The following DGKG variants were observed in gnomAD, a reference collection of about 807,000 sequenced individuals.
The protein encoded by DGKG is DAG kinase gamma.
DGKG carries 78 observed loss-of-function variants against 105.3 expected under a neutral mutation model. The ratio of observed to expected loss-of-function variants is 0.74; its 90% CI spans 0.62 to 0.89. The LOEUF (loss-of-function observed/expected upper bound fraction) is 0.89. DGKG is among the 40% of genes least tolerant of loss of function. The pLI is 0.00. For synonymous variants in DGKG, 346 were observed against 367.1 expected (o/e 0.94, Z 0.66); for missense variants, 958 against 1,020.1 (o/e 0.94, Z 0.83).
intron 9 of DGKG, among the ~76,000 whole-genome samples, chr3:186,275,984 CTATCT>C (rs1722568263): frequency 6.8e-6 from 1 of 147,736 alleles, no homozygotes; most frequent in South Asian, 2.1e-4. Context: ...ATCTATCTAT[CTATCT>C]ATCTATTATC....
At chr3:186,312,195 T>C (rs1724589589) in intron 2 of DGKG, among the ~76,000 whole-genome samples, 1 of 141,990 alleles carries the variant, frequency 7.0e-6, no homozygotes, top group African/African-American at 2.6e-5. Context: ...CATTAAACTG[T>C]TAAACTCCGA....
intron 17 of DGKG, 150 bp from the exon 18 acceptor site, chr3:186,253,332 G>T: frequency 1.5e-6 from 1 of 660,300 alleles, no homozygotes. Context: ...ACTTCCTAAA[G>T]CCATCTATCC....
intron 3 of DGKG, among the ~76,000 whole-genome samples, chr3:186,305,002 T>C (rs1352337756): frequency 6.6e-6 from 1 of 152,226 alleles, no homozygotes; most frequent in Non-Finnish European, 1.5e-5. Context: ...AGTCATTGAA[T>C]TTGAAAGTAG....
chr3:186,358,861 A>T (rs1027610812), intron 1 of DGKG, among the ~76,000 whole-genome samples: 1 of 152,236 alleles, frequency 6.6e-6, no homozygotes, highest in African/African-American at 2.4e-5. Flanking sequence ...GAATGTTGTT[A>T]TAATGACTTG....
chr3:186,213,662 G>A (rs1331823676), intron 20 of DGKG, among the ~76,000 whole-genome samples: 1 of 152,096 alleles, frequency 6.6e-6, no homozygotes, highest in African/African-American at 2.4e-5. Flanking sequence ...GAATTACCTG[G>A]GGAATGTGAT....
At chr3:186,305,664 A>T (rs893023278) in intron 3 of DGKG, among the ~76,000 whole-genome samples, 2 of 152,198 alleles carry the variant, frequency 1.3e-5, no homozygotes. Flanking sequence ...CTCTTGCAAT[A>T]ATCTGGGCAA....
At position 186,282,351 on chromosome 3, in the gene DGKG, C is replaced by T. The variant is rs947004875; in HGVS notation, c.595-1607G>A. Among the ~76,000 whole-genome samples the T allele has an allele frequency of 2.6e-4, 40 of 152,242 alleles. 2 individuals carry two copies. The highest frequency in any genetic ancestry group is 1.2e-4 in the Non-Finnish European group (8 of 68,048). On this transcript the variant is annotated intron_variant, in intron 7 of 24. Transcript: ENST00000265022. ...TGTCTTAAGGTAGGAGTCCATATGACAGGGATTCCGGTGAAAGGTTGAATC... is the reference window on the plus strand; with the variant it reads ...TGTCTTAAGGTAGGAGTCCATATGATAGGGATTCCGGTGAAAGGTTGAATC...
chr3:186,226,514 AG>A lies in DGKG; in HGVS notation c.1827-14630del, dbSNP rs1368189152. Among the ~76,000 whole-genome samples, 1 of 152,186 alleles carries A rather than the reference AG, an allele frequency of 6.6e-6. No individual in the cohort carries two copies. Among genetic ancestry groups the A allele is most frequent in the Non-Finnish European group, 1.5e-5 (1 of 68,028 alleles). On this transcript the variant is annotated intron_variant, in intron 20 of 24. Coordinates refer to ENST00000265022, the MANE Select transcript of DGKG (RefSeq NM_001346.3). The surrounding 1 kb of genome is among the most constrained non-coding windows in gnomAD (Gnocchi z 4.2). ...GGGGCAAGGTGGTACAGAAGAGGAA[AG>A]GGGGAACCTGACTAATTACAACACT...
intron 6 of DGKG, among the ~76,000 whole-genome samples, chr3:186,287,195 T>C (rs574053021): frequency 4.6e-5 from 7 of 152,220 alleles, no homozygotes; most frequent in East Asian, 1.9e-4. Context: ...TCTAGGATAA[T>C]TGGAAAAATG....
chr3:186,334,757 C>G (rs1231462889), intron 1 of DGKG, among the ~76,000 whole-genome samples: 2 of 152,100 alleles, frequency 1.3e-5, no homozygotes, highest in East Asian at 3.9e-4. Flanking sequence ...GGTTAAGTAA[C>G]TTGTCCTAGG....
In DGKG at chr3:186,147,721, G is replaced by A; in HGVS notation, c.*2369C>T. The stretch of plus-strand genomic sequence containing the variant: ...CAATTTCACCTGTTGATAGTGCCAT[G>A]TCTCAATAGCCTCAATCTTGGGGAT... On this transcript the variant is annotated 3_prime_UTR_variant, in exon 25 of 25. Transcript: ENST00000265022. 1 of 985,422 alleles carries A rather than the reference G, an allele frequency of 1.0e-6. No homozygotes were observed. The highest frequency in any genetic ancestry group is 1.2e-6 in the Non-Finnish European group (1 of 829,942). 61.0% of individuals were successfully genotyped at this position (985,422 alleles called of 1,614,324 possible).
At chr3:186,319,141 G>A (rs1163636050) in intron 2 of DGKG, among the ~76,000 whole-genome samples, 1 of 152,174 alleles carries the variant, frequency 6.6e-6, no homozygotes. Context: ...ATATATTAGA[G>A]TTTTTCTAAA....
intron 20 of DGKG, among the ~76,000 whole-genome samples, chr3:186,223,502 T>A (rs1186600399): frequency 2.0e-5 from 3 of 152,110 alleles, no homozygotes; most frequent in African/African-American, 7.2e-5. Flanking sequence ...TTCCCTTACC[T>A]TTCCCATCAT....
At chr3:186,304,863 C>T (rs1435928924) in intron 3 of DGKG, among the ~76,000 whole-genome samples, 1 of 152,126 alleles carries the variant, frequency 6.6e-6, no homozygotes, top group Non-Finnish European at 1.5e-5. Context: ...CCATGTAATT[C>T]CAGGGTCATG....
chr3:186,239,899 CTTT>C (rs796306145), intron 20 of DGKG, among the ~76,000 whole-genome samples: 28 of 136,436 alleles, frequency 2.1e-4, no homozygotes, highest in Admixed American at 5.9e-4. Context: ...ACGCTACAAT[CTTT>C]TTTTTTTTTT....
chr3:186,222,902 T>TG, intron 20 of DGKG, among the ~76,000 whole-genome samples: 1 of 150,004 alleles, frequency 6.7e-6, no homozygotes, highest in East Asian at 2.0e-4. Flanking sequence ...TGCTTGAACC[T>TG]GGGAGGCAGA....
chr3:186,276,811 G>A (rs1246490303), intron 9 of DGKG, among the ~76,000 whole-genome samples: 2 of 152,194 alleles, frequency 1.3e-5, no homozygotes, highest in Admixed American at 6.5e-5. Flanking sequence ...TAAAAGCTAC[G>A]GTAAGGTGAT....
intron 1 of DGKG, among the ~76,000 whole-genome samples, chr3:186,360,084 A>C (rs1457285762): frequency 6.6e-6 from 1 of 152,040 alleles, no homozygotes; most frequent in Non-Finnish European, 1.5e-5. Flanking sequence ...AGGCTCACAC[A>C]TGCACAGCCT....
At chr3:186,151,552 G>A (rs752241014) in intron 24 of DGKG, among the ~76,000 whole-genome samples, 2 of 152,230 alleles carry the variant, frequency 1.3e-5, no homozygotes, top group Admixed American at 6.5e-5. Context: ...AGCAGGTTGA[G>A]TTCAGGGCAA....
Sources: gnomAD v4.1 joint callset for allele counts (sites outside exome capture counted in the v4.1 genomes callset) on GRCh38, gnomAD v4.1.1 for gene constraint, Gnocchi (gnomAD v3.1) non-coding constraint, MANE v1.5 for transcripts, NCBI Gene and HGNC (gene_info 2026-07-23, HGNC 2026-07-21) for gene names.